BSPH1: variants seen among roughly 807,000 people sequenced by gnomAD.
The protein encoded by BSPH1 is binder of sperm 1.
In BSPH1, 21 loss-of-function variants were observed where a neutral mutation model predicts 22.5. That is an observed-to-expected ratio of 0.93 (90% CI 0.66 to 1.35). The LOEUF is 1.35. Among genes scored for constraint, BSPH1 ranks in the 40% most tolerant of loss-of-function variants. The pLI is 0.00. For synonymous variants in BSPH1, 42 were observed against 53.6 expected (o/e 0.78, Z 0.95); for missense variants, 141 against 154.2 (o/e 0.91, Z 0.45).
chr19:47,976,879 C>A (rs1969370336), intron 4 of BSPH1, 25 bp from the exon 5 acceptor site: 1 of 1,550,026 alleles, frequency 6.5e-7, no homozygotes, highest in Admixed American at 2.0e-5. Context: ...GAGGAAGAAG[C>A]AGAGTAAGAA....
chr19:47,979,387 G>A (rs555812650), intron 3 of BSPH1, among the ~76,000 whole-genome samples, 183 bp downstream of exon 3: 16 of 152,184 alleles, frequency 1.1e-4, no homozygotes, highest in African/African-American at 3.9e-4. Flanking sequence ...ATTTAGTGCT[G>A]ATGAAAGTTC....
chr19:47,984,168 A>G, intron 1 of BSPH1, among the ~76,000 whole-genome samples: 1 of 145,178 alleles, frequency 6.9e-6, no homozygotes, highest in Non-Finnish European at 1.5e-5. Flanking sequence ...AAAAAAATAT[A>G]TATATATATA....
At chr19:47,980,874 C>G in intron 2 of BSPH1, 47 bp downstream of exon 2, 2 of 1,199,902 alleles carry the variant, frequency 1.7e-6, no homozygotes, top group South Asian at 1.5e-5. Flanking sequence ...CATTTTATTG[C>G]AAAAATTTGA....
chr19:47,981,867 T>G (rs1005553146), intron 1 of BSPH1: 6 of 349,754 alleles, frequency 1.7e-5, no homozygotes, highest in Admixed American at 1.3e-4. Flanking sequence ...GAACTTGAAT[T>G]TTTTGTTTTG....
At chr19:47,989,501 C>T (rs898415457) in intron 1 of BSPH1, among the ~76,000 whole-genome samples, 6 of 151,910 alleles carry the variant, frequency 3.9e-5, no homozygotes, top group Non-Finnish European at 7.4e-5. Flanking sequence ...TGAGGAGGAA[C>T]CATAGCTGAG....
intron 1 of BSPH1, among the ~76,000 whole-genome samples, chr19:47,987,534 C>G (rs1969482921): frequency 6.6e-6 from 1 of 152,030 alleles, no homozygotes; most frequent in African/African-American, 2.4e-5. Flanking sequence ...TACAGGCACA[C>G]ACTACCATAG....
At chr19:47,976,258 G>A (rs1484770347) in intron 5 of BSPH1, among the ~76,000 whole-genome samples, 3 of 152,096 alleles carry the variant, frequency 2.0e-5, no homozygotes, top group African/African-American at 7.2e-5. Flanking sequence ...CCGAGTAGCT[G>A]AGACTACAAG....
intron 1 of BSPH1, among the ~76,000 whole-genome samples, chr19:47,985,624 C>A (rs1969463397): frequency 6.6e-6 from 1 of 152,076 alleles, no homozygotes; most frequent in African/African-American, 2.4e-5. Context: ...CACCTGAGGT[C>A]AGGAGTTCGA....
chr19:47,985,079 G>GAAAGAA (rs1163501871), intron 1 of BSPH1, among the ~76,000 whole-genome samples: 1 of 73,114 alleles, frequency 1.4e-5, no homozygotes, highest in Admixed American at 1.2e-4. Context: ...AAAAAAAAAA[G>GAAAGAA]AAAGAAAAAG....
At chr19:47,975,958 G>T (rs1568396214) in intron 5 of BSPH1, among the ~76,000 whole-genome samples, 1 of 152,054 alleles carries the variant, frequency 6.6e-6, no homozygotes, top group Non-Finnish European at 1.5e-5. Context: ...CCCGGCCAAG[G>T]TAATGCATTT....
chr19:47,969,687 GAGAGAGA>G (rs1969291819), intron 5 of BSPH1, among the ~76,000 whole-genome samples: 4 of 43,132 alleles, frequency 9.3e-5, no homozygotes, highest in Non-Finnish European at 3.0e-4. Context: ...GAGAGGGGGA[GAGAGAGA>G]GAGAGAGAGA....
intron 5 of BSPH1, 22 bp downstream of exon 5, chr19:47,976,688 C>T (rs1969367668): frequency 1.3e-6 from 2 of 1,547,664 alleles, no homozygotes; most frequent in Non-Finnish European, 1.7e-6. Flanking sequence ...CGTCTTCATC[C>T]CCCTCCCCTG....
chr19:47,969,684 G>GGAGAGAGAGA (rs10589898), intron 5 of BSPH1, among the ~76,000 whole-genome samples: 3,983 of 113,742 alleles, frequency 0.035, 244 homozygotes, highest in African/African-American at 0.067. Flanking sequence ...AGGGAGAGGG[G>GGAGAGAGAGA]GAGAGAGAGA....
At position 47,982,913 on chromosome 19, in the gene BSPH1, T is replaced by C. The variant is rs562900484; in HGVS notation, c.74-1972A>G. On this transcript the variant is annotated intron_variant, in intron 1 of 5. Transcript: ENST00000344839. Reference sequence around the variant, plus strand: ...GAGGTAACTAGAATAGTCAAATACATAGAGACAAAAAGCAGAATGGTGGTT... The same window carrying C: ...GAGGTAACTAGAATAGTCAAATACACAGAGACAAAAAGCAGAATGGTGGTT... 2.6e-5 allele frequency among the ~76,000 whole-genome samples: 4 copies of C among 152,146 alleles called. 1 individual carries two copies. In the South Asian group the frequency reaches 8.3e-4, roughly 32 times the overall value.
rs2122235909 is a variant in BSPH1 at position 47,969,694 on chromosome 19, AG to A, written c.*3-1486del. Among the ~76,000 whole-genome samples, 5 of 91,604 alleles carry A rather than the reference AG, an allele frequency of 5.5e-5. No individual in the cohort carries two copies. The South Asian group carries it at 1.7e-3, about 31-fold the overall frequency. 60.1% of individuals were successfully genotyped at this position (91,604 alleles called of 152,430 possible). A position where few individuals can be genotyped will look rare whatever the true frequency, so the allele number is the denominator to read the frequency against. ...AAGGCAGGGAGAGGGGGAGAGAGAGAGAGAGAGAGAGAGAGAGAGAGAGAGA... is the reference window on the plus strand; with the variant it reads ...AAGGCAGGGAGAGGGGGAGAGAGAGAAGAGAGAGAGAGAGAGAGAGAGAGA... On this transcript the variant is annotated intron_variant, in intron 5 of 5. Transcript: ENST00000344839.
At chr19:47,981,879 T>C (rs1326988920) in intron 1 of BSPH1, 1 of 239,014 alleles carries the variant, frequency 4.2e-6, no homozygotes, top group African/African-American at 2.3e-5. Flanking sequence ...TTTGTTTTGT[T>C]ACTTTGCATG....
At chr19:47,983,394 T>G (rs898306578) in intron 1 of BSPH1, among the ~76,000 whole-genome samples, 1 of 152,190 alleles carries the variant, frequency 6.6e-6, no homozygotes, top group Non-Finnish European at 1.5e-5. Flanking sequence ...GTGAAACTAT[T>G]AGGAAATGGA....
intron 1 of BSPH1, among the ~76,000 whole-genome samples, chr19:47,987,385 C>CTTTTT (rs11289833): frequency 7.3e-6 from 1 of 137,026 alleles, no homozygotes. Flanking sequence ...TTAGTACTTA[C>CTTTTT]TTTTTTTTTT....
chr19:47,984,840 G>A (rs919840670), intron 1 of BSPH1, among the ~76,000 whole-genome samples: 5 of 152,172 alleles, frequency 3.3e-5, no homozygotes, highest in African/African-American at 4.8e-5. Flanking sequence ...ACTTTGGGAA[G>A]CTGAGGTGGA....
Sources: gnomAD v4.1 joint callset for allele counts (sites outside exome capture counted in the v4.1 genomes callset) on GRCh38, gnomAD v4.1.1 for gene constraint, MANE v1.5 for transcripts, NCBI Gene and HGNC (gene_info 2026-07-23, HGNC 2026-07-21) for gene names.